Variants in AFAP1L2 observed in about 807,000 individuals in gnomAD.
The protein encoded by AFAP1L2 is actin filament associated protein 1 like 2, also known as actin filament-associated protein 1-like 2.
Under a neutral mutation model 99.3 loss-of-function variants are expected in AFAP1L2, and 46 were observed. The ratio of observed to expected loss-of-function variants is 0.46; its 90% CI spans 0.37 to 0.59. The LOEUF is 0.59. Among genes scored for constraint, AFAP1L2 ranks in the 20% least tolerant of loss-of-function variants. AFAP1L2 has a pLI of 0.00. For missense variants in AFAP1L2, 959 were observed against 1,034.9 expected, an observed-to-expected ratio of 0.93 and a Z score of 1.01; for synonymous variants, 397 against 419.1, an observed-to-expected ratio of 0.95 and a Z score of 0.64.
downstream of AFAP1L2, among the ~76,000 whole-genome samples, chr10:114,290,788 T>C (rs2039514066): frequency 1.3e-5 from 2 of 152,060 alleles, no homozygotes; most frequent in Non-Finnish European, 2.9e-5. Context: ...CTGGAAGCTC[T>C]TTTTGGGGTG....
At chr10:114,403,058 C>T (rs1426277684) in intron 1 of AFAP1L2, among the ~76,000 whole-genome samples, 1 of 152,188 alleles carries the variant, frequency 6.6e-6, no homozygotes, top group East Asian at 1.9e-4. Flanking sequence ...ACAGCATAAG[C>T]GCGCATTCAG....
chr10:114,320,746 G>A lies in AFAP1L2; in HGVS notation c.406+2425C>T, dbSNP rs868770974. Among the ~76,000 whole-genome samples the A allele has an allele frequency of 4.3e-4, 66 of 152,322 alleles. 1 individual carries two copies. The highest frequency in any genetic ancestry group is 1.5e-3 in the African/African-American group (64 of 41,582). On this transcript the variant is annotated intron_variant, in intron 5 of 18. Transcript: ENST00000304129. Reference sequence around the variant, plus strand: ...CCACTTGTTTGTGTCGAGATGGAGTGTCTGACCCACAAACCGGCCCCCTGG... The same window carrying A: ...CCACTTGTTTGTGTCGAGATGGAGTATCTGACCCACAAACCGGCCCCCTGG...
rs1484332550 is a variant in AFAP1L2 at position 114,296,982 on chromosome 10, G to A, written c.2426C>T (p.Ala809Val). 2 of 1,614,172 alleles carry A rather than the reference G, an allele frequency of 1.2e-6. No individual in the cohort carries two copies. The highest frequency in any genetic ancestry group is 1.1e-5 in the South Asian group (1 of 91,062). The part of the protein sequence containing the change: ...VTGKGTVLQK[A>V]KEWEKKGAS The stretch of plus-strand genomic sequence containing the variant: ...AGGCTGGGAGTGACTGCTTACCTTG[G>A]CTTTCTGGAGTACAGTGCCTTTGCC... The change falls in exon 18 of 19, where the codon GCC (alanine) becomes GTC (valine). Residue 809 changes from alanine (A) to valine (V), a missense_variant. Physicochemically the swap from Ala to Val is moderately conservative, Grantham distance 64 (BLOSUM62 0). Around this residue, in one of 2 missense-constraint regions of AFAP1L2, gnomAD observed 576 missense variants for 562.1 expected, o/e 1.02. Coordinates refer to ENST00000304129, the MANE Select transcript of AFAP1L2 (RefSeq NM_001001936.3).
chr10:114,299,331 TCTTC>T lies in AFAP1L2; in HGVS notation c.2038_2041del (p.Glu680LysfsTer16). 6.2e-7 allele frequency: 1 copy of T among 1,614,230 alleles called. No homozygotes were observed. Among genetic ancestry groups the T allele is most frequent in the East Asian group, 2.2e-5 (1 of 44,888 alleles). Reference sequence around the variant, plus strand: ...GAGCTGAGCCAGGTGCCCCCGGATTTCTTCCTTCTTCTTTTCAAGCCTCTCCTTC... The same window carrying T: ...GAGCTGAGCCAGGTGCCCCCGGATTTCTTCTTCTTTTCAAGCCTCTCCTTC... On this transcript the variant is annotated frameshift_variant, in exon 16 of 19. Transcript: ENST00000304129. LOFTEE classifies it high-confidence loss of function.
intron 18 of AFAP1L2, 189 bp from the exon 19 acceptor site, chr10:114,296,257 C>G (rs2040210547): frequency 1.4e-6 from 1 of 718,250 alleles, no homozygotes. Flanking sequence ...GAGACTGTGG[C>G]ACAACAGCGA....
At chr10:114,330,269 G>T (rs2047039965) in intron 4 of AFAP1L2, among the ~76,000 whole-genome samples, 1 of 152,192 alleles carries the variant, frequency 6.6e-6, no homozygotes, top group Admixed American at 6.5e-5. Context: ...CCCCTCCACG[G>T]AAACATGAGC....
At chr10:114,315,533 G>T in intron 6 of AFAP1L2, 27 bp downstream of exon 6, 1 of 1,611,250 alleles carries the variant, frequency 6.2e-7, no homozygotes, top group South Asian at 1.1e-5. Flanking sequence ...AGGAGTCGGG[G>T]GACAAGACGA....
intron 1 of AFAP1L2, among the ~76,000 whole-genome samples, chr10:114,378,295 G>A (rs558652246): frequency 1.1e-4 from 16 of 152,282 alleles, no homozygotes; most frequent in South Asian, 2.1e-4. Flanking sequence ...AAACTGTGTC[G>A]TCCTACTGAA....
At chr10:114,310,702 G>A (rs1304642598) in intron 7 of AFAP1L2, among the ~76,000 whole-genome samples, 1 of 152,142 alleles carries the variant, frequency 6.6e-6, no homozygotes, top group African/African-American at 2.4e-5. Context: ...GGCATGCGAG[G>A]GGGGGCCTTG....
intron 2 of AFAP1L2, among the ~76,000 whole-genome samples, chr10:114,336,432 T>C (rs1017242697): frequency 2.6e-5 from 4 of 152,238 alleles, no homozygotes; most frequent in Non-Finnish European, 5.9e-5. Context: ...ATGTTACCTC[T>C]GCCTTTGTGA....
At chr10:114,358,607 C>A (rs2051739548) in intron 1 of AFAP1L2, among the ~76,000 whole-genome samples, 1 of 151,986 alleles carries the variant, frequency 6.6e-6, no homozygotes, top group African/African-American at 2.4e-5. Flanking sequence ...TCATAAAAAC[C>A]AGAGTCATTT....
chr10:114,363,507 C>T (rs1297210779), intron 1 of AFAP1L2, among the ~76,000 whole-genome samples: 2 of 152,186 alleles, frequency 1.3e-5, no homozygotes, highest in African/African-American at 4.8e-5. Flanking sequence ...GGGCTGGGCA[C>T]TTGTGTAATT....
chr10:114,363,791 T>C (rs192471107), intron 1 of AFAP1L2, among the ~76,000 whole-genome samples: 2 of 152,346 alleles, frequency 1.3e-5, no homozygotes, highest in African/African-American at 2.4e-5. Context: ...TGTTGTGTGA[T>C]GGCCTGCTAT....
chr10:114,331,924 C>A, intron 3 of AFAP1L2, 27 bp from the exon 4 acceptor site: 1 of 1,273,252 alleles, frequency 7.9e-7, no homozygotes, highest in African/African-American at 1.5e-5. Context: ...GAAAAGGCTT[C>A]GGTGAGGGGT....
At chr10:114,403,470 G>T (rs990325569) in intron 1 of AFAP1L2, among the ~76,000 whole-genome samples, 1 of 152,188 alleles carries the variant, frequency 6.6e-6, no homozygotes, top group African/African-American at 2.4e-5. Flanking sequence ...AACAAATATA[G>T]AAGCAGCATT....
intron 4 of AFAP1L2, among the ~76,000 whole-genome samples, chr10:114,330,495 A>C (rs903255061): frequency 2.4e-4 from 36 of 152,220 alleles, no homozygotes; most frequent in African/African-American, 8.7e-4. Context: ...CACCCTTAAA[A>C]TATAAACACT....
At chr10:114,342,821 A>G (rs1435597925) in intron 1 of AFAP1L2, among the ~76,000 whole-genome samples, 1 of 152,252 alleles carries the variant, frequency 6.6e-6, no homozygotes, top group African/African-American at 2.4e-5. Context: ...TACCACAGCA[A>G]TAAGAAACTG....
intron 1 of AFAP1L2, among the ~76,000 whole-genome samples, chr10:114,358,992 T>A (rs369968904): frequency 1.3e-5 from 2 of 152,206 alleles, no homozygotes; most frequent in East Asian, 3.9e-4. Context: ...TAGATTCGTA[T>A]ATACATACAG....
At chr10:114,310,578 G>T in intron 7 of AFAP1L2, 135 bp from the exon 8 acceptor site, 1 of 761,782 alleles carries the variant, frequency 1.3e-6, no homozygotes, top group Non-Finnish European at 2.1e-6. Flanking sequence ...CCAAGGAAGA[G>T]GACCCACCCG....
Sources: gnomAD v4.1 joint callset for allele counts (sites outside exome capture counted in the v4.1 genomes callset) on GRCh38, gnomAD v4.1.1 for gene constraint, gnomAD v4.1.1 regional missense constraint, MANE v1.5 for transcripts, NCBI Gene and HGNC (gene_info 2026-07-23, HGNC 2026-07-21) for gene names.